The following DMD variants were observed in gnomAD, a reference collection of about 807,000 sequenced individuals.
DMD encodes dystrophin, also known as mutant dystrophin.
In DMD, 63 loss-of-function variants were observed where a neutral mutation model predicts 330.1. That is an observed-to-expected ratio of 0.19 (90% CI 0.16 to 0.24). The LOEUF is 0.24. Ranked by LOEUF, DMD falls within the 10% of genes least tolerant of loss-of-function variation. The probability of loss-of-function intolerance (pLI) is 1.00; values close to 1 mark genes in which losing one functional copy is unlikely to be tolerated. For missense variants in DMD, 3,344 were observed against 2,684.1 expected (o/e 1.25, Z -5.43); for synonymous variants, 1,223 against 959.8 (o/e 1.27, Z -5.07).
intron 55 of DMD, among the ~76,000 whole-genome samples, chrX:31,538,367 A>G (rs1051724920): frequency 1.8e-5 from 2 of 112,256 alleles, no homozygotes; most frequent in Non-Finnish European, 3.8e-5. Flanking sequence ...AACCTGTAGT[A>G]GTTACTTGTT....
chrX:31,746,270 T>A (rs755304327), intron 51 of DMD, among the ~76,000 whole-genome samples: 1 of 111,960 alleles, frequency 8.9e-6, no homozygotes, highest in Non-Finnish European at 1.9e-5. Context: ...AGTGAAGAAA[T>A]GAGTGATTAT....
chrX:32,341,740 C>T (rs184730867), intron 41 of DMD, among the ~76,000 whole-genome samples: 114 of 111,402 alleles, frequency 1.0e-3, no homozygotes, highest in African/African-American at 3.5e-3. Flanking sequence ...ATGGGATGAT[C>T]TCAGGAAAGC....
intron 12 of DMD, among the ~76,000 whole-genome samples, chrX:32,610,435 A>G (rs1342110257): frequency 9.0e-6 from 1 of 111,462 alleles, no homozygotes; most frequent in African/African-American, 3.2e-5. Flanking sequence ...TCTTCCTGAC[A>G]TTTCACAGTG....
intron 7 of DMD, among the ~76,000 whole-genome samples, chrX:32,782,833 G>A (rs1220765323): frequency 9.3e-6 from 1 of 107,796 alleles, no homozygotes; most frequent in African/African-American, 3.4e-5. Flanking sequence ...CATATTGTAT[G>A]CCTCTATCAA....
chrX:32,652,473 G>T (rs921498023), intron 9 of DMD, among the ~76,000 whole-genome samples: 26 of 109,807 alleles, frequency 2.4e-4, no homozygotes, highest in African/African-American at 6.3e-4. Context: ...AACTCATCCT[G>T]TTTTATGGCT....
intron 43 of DMD, among the ~76,000 whole-genome samples, chrX:32,227,725 A>G (rs1362848624): frequency 9.0e-6 from 1 of 111,435 alleles, no homozygotes; most frequent in Admixed American, 9.6e-5. Context: ...AAAAAATAAT[A>G]AAATTACTTA....
chrX:31,774,489 C>T (rs1357639807), intron 50 of DMD, among the ~76,000 whole-genome samples: 2 of 111,543 alleles, frequency 1.8e-5, no homozygotes, highest in African/African-American at 3.3e-5. Flanking sequence ...GTTAAATAAG[C>T]CTTCTCAGTA....
At chrX:33,175,192 T>TACAAA (rs2049584555) in intron 1 of DMD, among the ~76,000 whole-genome samples, 1 of 112,492 alleles carries the variant, frequency 8.9e-6, no homozygotes, top group Non-Finnish European at 1.9e-5. Context: ...GAGACTGACA[T>TACAAA]AAAATTGTAG....
chrX:31,406,976 C>G (rs2061423655), intron 60 of DMD, among the ~76,000 whole-genome samples: 1 of 111,137 alleles, frequency 9.0e-6, no homozygotes, highest in Non-Finnish European at 1.9e-5. Context: ...CCATAAACAC[C>G]AAAAGAATAT....
chrX:33,076,672 GC>G (rs1010269113), intron 1 of DMD, among the ~76,000 whole-genome samples: 2 of 111,866 alleles, frequency 1.8e-5, no homozygotes, highest in Non-Finnish European at 3.8e-5. Flanking sequence ...AGAAGCTAAG[GC>G]TTTTGGTTAT....
chrX:33,066,106 A>G (rs1377890733), intron 1 of DMD, among the ~76,000 whole-genome samples: 1 of 109,667 alleles, frequency 9.1e-6, no homozygotes, highest in African/African-American at 3.3e-5. Context: ...GGTTAAACGG[A>G]AGCAAAAGTA....
At chrX:32,845,609 C>CA (rs746106043) in intron 3 of DMD, among the ~76,000 whole-genome samples, 3 of 111,459 alleles carry the variant, frequency 2.7e-5, no homozygotes, top group Non-Finnish European at 5.6e-5. Context: ...ATCCTTCCTT[C>CA]ATACCATCAA....
At chrX:32,444,847 C>A (rs773649597) in intron 27 of DMD, among the ~76,000 whole-genome samples, 127 of 110,694 alleles carry the variant, frequency 1.1e-3, no homozygotes, top group Non-Finnish European at 2.1e-3. Context: ...GGATCTAAAA[C>A]AAAACCACTC....
At position 33,060,266 on chromosome X, in the gene DMD, G is replaced by T. The variant is rs1006865519; in HGVS notation, c.32-40066C>A. On this transcript the variant is annotated intron_variant, in intron 1 of 78. Transcript: ENST00000357033. ...AGCATCATGGGTAAGGGAGACTCCTGCTGAAAATAGTCCAGTCATCCCCTG... is the reference window on the plus strand; with the variant it reads ...AGCATCATGGGTAAGGGAGACTCCTTCTGAAAATAGTCCAGTCATCCCCTG... Among the ~76,000 whole-genome samples the T allele has an allele frequency of 2.7e-5, 3 of 111,087 alleles. No homozygotes were observed. In the Admixed American group the frequency reaches 2.9e-4, roughly 11 times the overall value.
chrX:33,243,852 A>G (rs897073282), intron 1 of DMD, among the ~76,000 whole-genome samples: 1 of 111,397 alleles, frequency 9.0e-6, no homozygotes, highest in East Asian at 2.8e-4. Flanking sequence ...TTGAAAGTAG[A>G]GTGTGGAATG....
At chrX:31,195,525 A>C (rs951064960) in intron 67 of DMD, among the ~76,000 whole-genome samples, 2 of 110,931 alleles carry the variant, frequency 1.8e-5, no homozygotes, top group African/African-American at 3.3e-5. Flanking sequence ...GCATTATGTA[A>C]AAGAACAAGA....
intron 52 of DMD, among the ~76,000 whole-genome samples, chrX:31,703,525 G>A (rs1207985151): frequency 6.3e-5 from 7 of 111,896 alleles, no homozygotes; most frequent in Admixed American, 1.9e-4. Flanking sequence ...CCTTGTTTAC[G>A]TGCCATTCCA....
intron 1 of DMD, among the ~76,000 whole-genome samples, chrX:33,152,527 G>C (rs2148632389): frequency 9.3e-6 from 1 of 107,445 alleles, no homozygotes; most frequent in East Asian, 2.9e-4. Context: ...GCCACACACG[G>C]AGTTTGTGAT....
intron 1 of DMD, among the ~76,000 whole-genome samples, chrX:33,172,971 A>G (rs933471746): frequency 1.1e-4 from 12 of 111,592 alleles, no homozygotes; most frequent in Admixed American, 7.6e-4. Flanking sequence ...TTCAGAAATT[A>G]CTAATTGAAA....
Sources: allele counts gnomAD v4.1 joint callset (sites outside exome capture counted in the v4.1 genomes callset), GRCh38; gene constraint gnomAD v4.1.1; transcripts MANE v1.5; gene names NCBI Gene and HGNC (gene_info 2026-07-23, HGNC 2026-07-21).